Variants in COG5 observed in about 807,000 individuals in gnomAD.
COG5 encodes component of oligomeric golgi complex 5.
COG5 carries 86 observed loss-of-function variants against 110.4 expected under a neutral mutation model. The observed-to-expected ratio is 0.78, with a 90% CI of 0.65 to 0.93. COG5 has a LOEUF of 0.93. Ranked by LOEUF, COG5 falls within the 40% of genes least tolerant of loss-of-function variation. The pLI is 0.00. For missense variants in COG5, 1,077 were observed against 987.0 expected, an observed-to-expected ratio of 1.09 and a Z score of -1.22; for synonymous variants, 360 against 334.6, an observed-to-expected ratio of 1.08 and a Z score of -0.83.
chr7:107,370,498 A>G (rs764568771), intron 8 of COG5, among the ~76,000 whole-genome samples: 56 of 152,166 alleles, frequency 3.7e-4, no homozygotes, highest in Admixed American at 2.4e-3. Context: ...AAAATATAAA[A>G]TAATTGGCTG....
intron 19 of COG5, among the ~76,000 whole-genome samples, chr7:107,222,199 C>T (rs1280412313): frequency 1.3e-5 from 2 of 151,666 alleles, no homozygotes; most frequent in Non-Finnish European, 2.9e-5. Context: ...AATCACCTGT[C>T]CCCCCCTTTT....
At chr7:107,496,756 C>T (rs1047462022) in intron 6 of COG5, among the ~76,000 whole-genome samples, 8 of 151,636 alleles carry the variant, frequency 5.3e-5, no homozygotes, top group African/African-American at 1.9e-4. Flanking sequence ...TCAACTGATG[C>T]AGGAAGAGCA....
At chr7:107,461,570 T>G (rs1292437906) in intron 6 of COG5, among the ~76,000 whole-genome samples, 1 of 152,188 alleles carries the variant, frequency 6.6e-6, no homozygotes, top group Non-Finnish European at 1.5e-5. Flanking sequence ...TGGTCTTGGC[T>G]ACGGCAATAA....
intron 17 of COG5, among the ~76,000 whole-genome samples, chr7:107,242,302 G>A (rs1022939907): frequency 4.6e-5 from 7 of 152,186 alleles, no homozygotes; most frequent in Non-Finnish European, 1.0e-4. Context: ...AGAGCCAGGG[G>A]AACCCCCACT....
At chr7:107,515,556 T>C (rs933260649) in intron 6 of COG5, among the ~76,000 whole-genome samples, 1 of 152,152 alleles carries the variant, frequency 6.6e-6, no homozygotes, top group African/African-American at 2.4e-5. Flanking sequence ...AGAGATACAG[T>C]CATCCTCACC....
intron 7 of COG5, among the ~76,000 whole-genome samples, chr7:107,406,734 G>C (rs1253914125): frequency 1.3e-5 from 2 of 151,968 alleles, no homozygotes; most frequent in Admixed American, 6.6e-5. Context: ...AAAAACGTTG[G>C]TACTGTTTCC....
chr7:107,293,810 G>A, intron 12 of COG5, among the ~76,000 whole-genome samples: 1 of 152,040 alleles, frequency 6.6e-6, no homozygotes, highest in Non-Finnish European at 1.5e-5. Flanking sequence ...CGGTGACTCA[G>A]GCCTGTAATC....
intron 1 of COG5, among the ~76,000 whole-genome samples, chr7:107,562,161 G>C (rs2129182204): frequency 6.6e-6 from 1 of 152,304 alleles, no homozygotes; most frequent in Middle Eastern, 3.4e-3. Context: ...GAAGCTTAAA[G>C]TCATTTGTTG....
intron 3 of COG5, among the ~76,000 whole-genome samples, chr7:107,550,213 C>A (rs1261487711): frequency 6.6e-6 from 1 of 152,142 alleles, no homozygotes; most frequent in Non-Finnish European, 1.5e-5. Context: ...CATCTGCCAT[C>A]AACAAACCCT....
chr7:107,250,291 A>G (rs1383588261), intron 16 of COG5, among the ~76,000 whole-genome samples: 1 of 152,160 alleles, frequency 6.6e-6, no homozygotes, highest in East Asian at 1.9e-4. Flanking sequence ...TCAGTAATGC[A>G]TGTGCAGAGC....
At chr7:107,512,092 T>C (rs370598467) in intron 6 of COG5, among the ~76,000 whole-genome samples, 4 of 152,180 alleles carry the variant, frequency 2.6e-5, no homozygotes, top group Non-Finnish European at 4.4e-5. Flanking sequence ...ATTAGGAAAA[T>C]AGGAAGCCAA....
At chr7:107,282,944 AT>A (rs1751913776) in intron 13 of COG5, among the ~76,000 whole-genome samples, 1 of 152,228 alleles carries the variant, frequency 6.6e-6, no homozygotes, top group South Asian at 2.1e-4. Context: ...CAGATCTACT[AT>A]TATGACAACT....
intron 7 of COG5, among the ~76,000 whole-genome samples, chr7:107,382,878 G>C (rs1478390416): frequency 6.6e-6 from 1 of 151,970 alleles, no homozygotes; most frequent in Admixed American, 6.6e-5. Flanking sequence ...TTAAGTTTTC[G>C]CCTACATTTT....
chr7:107,513,399 C>A (rs2129145966), intron 6 of COG5, among the ~76,000 whole-genome samples: 1 of 152,268 alleles, frequency 6.6e-6, no homozygotes, highest in Non-Finnish European at 1.5e-5. Context: ...CAGGAAACAA[C>A]AGGTGCTGGA....
chr7:107,362,151 C>G (rs200549754), intron 9 of COG5, 41 bp from the exon 10 acceptor site: 1 of 1,510,994 alleles, frequency 6.6e-7, no homozygotes, highest in East Asian at 2.3e-5. Flanking sequence ...ATAGAAAAAG[C>G]AAGAAAAGGG....
intron 6 of COG5, among the ~76,000 whole-genome samples, chr7:107,522,434 C>A (rs1800405046): frequency 1.3e-5 from 2 of 152,122 alleles, no homozygotes; most frequent in Admixed American, 1.3e-4. Context: ...CGCCATTGCA[C>A]TCCAGCCTGT....
intron 6 of COG5, among the ~76,000 whole-genome samples, chr7:107,446,946 A>C (rs188548944): frequency 6.6e-6 from 1 of 152,342 alleles, no homozygotes; most frequent in African/African-American, 2.4e-5. Flanking sequence ...GTAGGTTAGA[A>C]GTCCAGTGGG....
chr7:107,203,756 G>A, intron 21 of COG5, 126 bp from the exon 22 acceptor site: 8 of 685,846 alleles, frequency 1.2e-5, no homozygotes, highest in Non-Finnish European at 2.1e-5. Context: ...GGTTTCACAA[G>A]CCAAGTGACC....
At chr7:107,216,347 A>T (rs1799531015) in intron 19 of COG5, among the ~76,000 whole-genome samples, 1 of 152,256 alleles carries the variant, frequency 6.6e-6, no homozygotes, top group Non-Finnish European at 1.5e-5. Flanking sequence ...GATCATCCAG[A>T]TAGAAAGTTA....
Sources: gnomAD v4.1 joint callset for allele counts (sites outside exome capture counted in the v4.1 genomes callset) on GRCh38, gnomAD v4.1.1 for gene constraint, MANE v1.5 for transcripts, NCBI Gene and HGNC (gene_info 2026-07-23, HGNC 2026-07-21) for gene names.